CLNK: variants seen among roughly 807,000 people sequenced by gnomAD.
CLNK encodes the protein cytokine dependent hematopoietic cell linker.
Under a neutral mutation model 68.6 loss-of-function variants are expected in CLNK, and 74 were observed. The observed-to-expected ratio is 1.08, with a 90% CI of 0.89 to 1.31. The LOEUF (loss-of-function observed/expected upper bound fraction) is 1.31, where lower values mean the gene tolerates loss of function less well. Ranked by LOEUF, CLNK falls within the 50% of genes most tolerant of loss-of-function variation. The pLI, the probability that CLNK is intolerant of heterozygous loss-of-function variation, is 0.00. For synonymous variants in CLNK, 198 were observed against 172.2 expected, an observed-to-expected ratio of 1.15 and a Z score of -1.17; for missense variants, 553 against 515.3, an observed-to-expected ratio of 1.07 and a Z score of -0.71.
intron 1 of CLNK, among the ~76,000 whole-genome samples, chr4:10,678,087 C>G (rs950370699): frequency 1.3e-5 from 2 of 152,146 alleles, no homozygotes; most frequent in Non-Finnish European, 2.9e-5. Flanking sequence ...GAACCTAACT[C>G]CTGAATTAAA....
chr4:10,622,016 A>C (rs898280422), intron 2 of CLNK, among the ~76,000 whole-genome samples: 1 of 152,224 alleles, frequency 6.6e-6, no homozygotes, highest in Non-Finnish European at 1.5e-5. Flanking sequence ...TGTTATTTGC[A>C]GTCTAGGTCA....
At chr4:10,698,063 C>G in the CLNK span, among the ~76,000 whole-genome samples, 1 of 152,088 alleles carries the variant, frequency 6.6e-6, no homozygotes, top group Non-Finnish European at 1.5e-5. Flanking sequence ...CTGCAATAAG[C>G]AGATTGTAGT....
At chr4:10,543,717 AAAACAATTACTTC>A (rs1183514441) in intron 8 of CLNK, among the ~76,000 whole-genome samples, 1 of 152,260 alleles carries the variant, frequency 6.6e-6, no homozygotes, top group Admixed American at 6.5e-5. Flanking sequence ...TTCTATGTCT[AAAACAATTACTTC>A]AAAGAATAAG....
chr4:10,707,582 C>A, the CLNK span, among the ~76,000 whole-genome samples: 2 of 152,242 alleles, frequency 1.3e-5, no homozygotes, highest in Admixed American at 1.3e-4. Flanking sequence ...TTCCTGTAAC[C>A]CTAAAATGTA....
At chr4:10,520,876 C>A (rs758571704) in intron 14 of CLNK, 45 bp from the exon 15 acceptor site, 2 of 1,467,310 alleles carry the variant, frequency 1.4e-6, no homozygotes, top group Non-Finnish European at 1.9e-6. Context: ...AGTATTTCCC[C>A]TTGGTGGTAA....
intron 17 of CLNK, among the ~76,000 whole-genome samples, chr4:10,505,169 T>C (rs1179130579): frequency 1.3e-5 from 2 of 152,206 alleles, no homozygotes; most frequent in Non-Finnish European, 2.9e-5. Flanking sequence ...TCACCAGGTT[T>C]GCCACTCTAC....
At chr4:10,553,196 C>G (rs1017003991) in intron 8 of CLNK, among the ~76,000 whole-genome samples, 5 of 152,036 alleles carry the variant, frequency 3.3e-5, no homozygotes, top group Non-Finnish European at 5.9e-5. Flanking sequence ...TACTGTGAAC[C>G]CAGAATTGAA....
At chr4:10,609,095 C>T (rs906993199) in intron 2 of CLNK, among the ~76,000 whole-genome samples, 23 of 152,214 alleles carry the variant, frequency 1.5e-4, no homozygotes, top group Admixed American at 1.2e-3. Flanking sequence ...TCACGTTAAA[C>T]AAGACAGGAT....
intron 2 of CLNK, among the ~76,000 whole-genome samples, chr4:10,617,983 C>T (rs1259793502): frequency 6.6e-6 from 1 of 152,136 alleles, no homozygotes; most frequent in Non-Finnish European, 1.5e-5. Flanking sequence ...GAGATGGTTT[C>T]TTAAAAAGTT....
intron 3 of CLNK, among the ~76,000 whole-genome samples, chr4:10,594,719 CATATGTATATGCTGACAT>C (rs1438563956): frequency 2.0e-5 from 3 of 152,170 alleles, no homozygotes; most frequent in Non-Finnish European, 4.4e-5. Context: ...AATCTACATT[CATATGTATATGCTGACAT>C]ATACTTATAA....
intron 18 of CLNK, among the ~76,000 whole-genome samples, chr4:10,491,774 T>C (rs1035307054): frequency 1.3e-5 from 2 of 152,194 alleles, no homozygotes; most frequent in African/African-American, 4.8e-5. Flanking sequence ...TAGTAATTTT[T>C]TTTTTTAATT....
At chr4:10,589,229 T>C (rs1721094208) in intron 3 of CLNK, among the ~76,000 whole-genome samples, 1 of 152,182 alleles carries the variant, frequency 6.6e-6, no homozygotes, top group Non-Finnish European at 1.5e-5. Context: ...CAACTACAAC[T>C]TAGATGAGTT....
intron 3 of CLNK, among the ~76,000 whole-genome samples, chr4:10,587,542 T>G (rs1476153338): frequency 6.6e-6 from 1 of 152,184 alleles, no homozygotes; most frequent in Non-Finnish European, 1.5e-5. Flanking sequence ...TGAGGTCTCT[T>G]CGGTGTCTGG....
At chr4:10,497,538 G>T (rs913861753) in intron 18 of CLNK, among the ~76,000 whole-genome samples, 1 of 152,202 alleles carries the variant, frequency 6.6e-6, no homozygotes, top group African/African-American at 2.4e-5. Flanking sequence ...TGGAGGCGGA[G>T]GGTCTAATCT....
chr4:10,630,750 A>G (rs1722854771), intron 2 of CLNK, among the ~76,000 whole-genome samples: 1 of 152,200 alleles, frequency 6.6e-6, no homozygotes, highest in Admixed American at 6.5e-5. Flanking sequence ...TTCAGCAATT[A>G]TAACAATAAG....
chr4:10,717,575 G>A, the CLNK span, among the ~76,000 whole-genome samples: 1 of 152,264 alleles, frequency 6.6e-6, no homozygotes, highest in African/African-American at 2.4e-5. Context: ...CAGCCTGGGT[G>A]ACAGGGCGAG....
chr4:10,596,813 G>T (rs1721404341), intron 3 of CLNK, among the ~76,000 whole-genome samples: 1 of 150,472 alleles, frequency 6.6e-6, no homozygotes, highest in Non-Finnish European at 1.5e-5. Context: ...GCTCTTCTCT[G>T]TCTGTCTTTT....
chr4:10,560,768 A>AAT (rs1477948776), intron 7 of CLNK, among the ~76,000 whole-genome samples: 21 of 152,232 alleles, frequency 1.4e-4, no homozygotes, highest in African/African-American at 5.1e-4. Flanking sequence ...CAGATAGTTT[A>AAT]ATCTCAACAT....
chr4:10,566,488 C>A (rs1182771072), intron 5 of CLNK, among the ~76,000 whole-genome samples: 1 of 152,058 alleles, frequency 6.6e-6, no homozygotes, highest in Non-Finnish European at 1.5e-5. Flanking sequence ...ATCACATGAA[C>A]CCTTAGAAGC....
Sources: allele counts gnomAD v4.1 joint callset (sites outside exome capture counted in the v4.1 genomes callset), GRCh38; gene constraint gnomAD v4.1.1; transcripts MANE v1.5; gene names NCBI Gene and HGNC (gene_info 2026-07-23, HGNC 2026-07-21).